The following KAZN variants were observed in gnomAD, a reference collection of about 807,000 sequenced individuals.
KAZN encodes kazrin, periplakin interacting protein.
KAZN carries 40 observed loss-of-function variants against 87.4 expected under a neutral mutation model. The observed-to-expected ratio is 0.46, with a 90% CI of 0.36 to 0.60. KAZN has a LOEUF of 0.60. KAZN is among the 20% of genes least tolerant of loss of function. The pLI, the probability that KAZN is intolerant of heterozygous loss-of-function variation, is 0.00. For synonymous variants in KAZN, 466 were observed against 458.3 expected, an observed-to-expected ratio of 1.02 and a Z score of -0.22; for missense variants, 898 against 1,073.9, an observed-to-expected ratio of 0.84 and a Z score of 2.29.
At chr1:14,695,660 C>A (rs1201885863) in intron 1 of KAZN, among the ~76,000 whole-genome samples, 2 of 151,846 alleles carry the variant, frequency 1.3e-5, no homozygotes, top group Non-Finnish European at 2.9e-5. Flanking sequence ...TGTGCACCAC[C>A]ATGCCTAGCT....
At chr1:14,501,108 TAA>T (rs1670220801) in intron 2 of KAZN, among the ~76,000 whole-genome samples, 2 of 147,266 alleles carry the variant, frequency 1.4e-5, no homozygotes, top group Non-Finnish European at 3.0e-5. Context: ...AATAAATAAA[TAA>T]ATAAATAAAT....
intron 2 of KAZN, among the ~76,000 whole-genome samples, chr1:14,427,526 A>G (rs928186684): frequency 6.6e-6 from 1 of 152,056 alleles, no homozygotes; most frequent in African/African-American, 2.4e-5. Flanking sequence ...ACACACACAC[A>G]CACACACAGT....
chr1:14,762,612 C>T (rs1197744070), intron 1 of KAZN, among the ~76,000 whole-genome samples: 1 of 152,042 alleles, frequency 6.6e-6, no homozygotes, highest in Non-Finnish European at 1.5e-5. Flanking sequence ...GTAGTCCCAG[C>T]TACTCGGGAG....
At chr1:14,042,544 T>C (rs1481629955) in intron 1 of KAZN, among the ~76,000 whole-genome samples, 1 of 152,260 alleles carries the variant, frequency 6.6e-6, no homozygotes, top group Non-Finnish European at 1.5e-5. Flanking sequence ...TTTAACTTTC[T>C]TCTGCTCACT....
At chr1:15,037,543 G>C (rs1370586671) in intron 3 of KAZN, among the ~76,000 whole-genome samples, 1 of 152,118 alleles carries the variant, frequency 6.6e-6, no homozygotes, top group African/African-American at 2.4e-5. Context: ...GAGGTTCCCG[G>C]GGCATGGAAA....
intron 1 of KAZN, among the ~76,000 whole-genome samples, chr1:14,776,558 C>T (rs183380461): frequency 8.5e-5 from 13 of 152,208 alleles, no homozygotes; most frequent in Admixed American, 5.2e-4. Context: ...GATGTCTAAC[C>T]GCAGCCATTT....
rs71000365 is a variant in KAZN at position 15,110,549 on chromosome 1, T to TTGTGTG, written c.2049-1864_2049-1859dup. Among the ~76,000 whole-genome samples, 454 of 147,930 alleles carry TTGTGTG rather than the reference T, an allele frequency of 3.1e-3. 1 individual carries two copies. Among genetic ancestry groups the TTGTGTG allele is most frequent in the East Asian group, 7.5e-3 (38 of 5,054 alleles). Reference sequence around the variant, plus strand: ...TGTGTTTGTGTGTGTGCATATGTGTTTGTGTGTGTGTGTGTGTGTATCCTC... The same window carrying TTGTGTG: ...TGTGTTTGTGTGTGTGCATATGTGTTTGTGTGTGTGTGTGTGTGTGTGTGTATCCTC... On this transcript the variant is annotated intron_variant, in intron 13 of 14. Coordinates refer to ENST00000376030, the MANE Select transcript of KAZN (RefSeq NM_201628.3).
chr1:14,500,597 C>G (rs1174601493), intron 2 of KAZN, among the ~76,000 whole-genome samples: 2 of 151,656 alleles, frequency 1.3e-5, no homozygotes, highest in Admixed American at 1.3e-4. Flanking sequence ...ATAATAAAAA[C>G]TGGAACCGAA....
rs1641677850 is a variant in KAZN at position 15,112,496 on chromosome 1, A to T, written c.2118A>T (p.Ala706=). 1 of 1,606,200 alleles carries T rather than the reference A, an allele frequency of 6.2e-7. No homozygotes were observed. The highest frequency in any genetic ancestry group is 1.7e-5 in the Admixed American group (1 of 58,958). ...PPGRASSVTR[A]GKEENSSGLK... is the part of the protein sequence containing the mutation. ...GCAGGGCCTCCAGCGTCACGCGGGCAGGAAAGGAGGAGAACAGCAGCGGTC... is the reference window on the plus strand; with the variant it reads ...GCAGGGCCTCCAGCGTCACGCGGGCTGGAAAGGAGGAGAACAGCAGCGGTC... Residue 706 remains alanine (A), a synonymous_variant, in exon 14 of 15, where the codon GCA becomes GCT. Transcript: ENST00000376030.
intron 1 of KAZN, among the ~76,000 whole-genome samples, chr1:14,631,410 C>A (rs1030632560): frequency 1.3e-5 from 2 of 152,220 alleles, no homozygotes; most frequent in African/African-American, 4.8e-5. Flanking sequence ...CCATCAATCA[C>A]AACCAAAATC....
chr1:14,785,466 A>C (rs182797857), intron 1 of KAZN, among the ~76,000 whole-genome samples: 2 of 152,246 alleles, frequency 1.3e-5, no homozygotes, highest in African/African-American at 4.8e-5. Flanking sequence ...TGGATACCTC[A>C]GGGGAGGCCC....
intron 1 of KAZN, among the ~76,000 whole-genome samples, chr1:14,800,804 C>A: frequency 6.6e-6 from 1 of 152,220 alleles, no homozygotes; most frequent in Middle Eastern, 3.4e-3. Flanking sequence ...TGATTCCATT[C>A]ATAGGAAATG....
chr1:14,687,965 G>A (rs1259420330), intron 1 of KAZN, among the ~76,000 whole-genome samples: 1 of 152,178 alleles, frequency 6.6e-6, no homozygotes, highest in African/African-American at 2.4e-5. Context: ...CACGGCACAG[G>A]GTGGTCAGGG....
intron 2 of KAZN, among the ~76,000 whole-genome samples, chr1:14,406,290 G>A (rs1218636352): frequency 1.3e-5 from 2 of 151,748 alleles, no homozygotes; most frequent in African/African-American, 4.8e-5. Context: ...TTACATTTAG[G>A]ATACCATCAA....
At chr1:14,730,547 T>G (rs1643632452) in intron 1 of KAZN, among the ~76,000 whole-genome samples, 1 of 152,138 alleles carries the variant, frequency 6.6e-6, no homozygotes, top group South Asian at 2.1e-4. Flanking sequence ...CAGAGTCTCA[T>G]GTAATCTGCC....
chr1:14,305,252 T>C (rs1654840236), intron 2 of KAZN, among the ~76,000 whole-genome samples: 1 of 152,182 alleles, frequency 6.6e-6, no homozygotes, highest in Non-Finnish European at 1.5e-5. Context: ...CTTTCACTGT[T>C]GGAGGAATAA....
intron 1 of KAZN, among the ~76,000 whole-genome samples, chr1:14,772,952 C>T (rs1352461900): frequency 6.6e-6 from 1 of 152,070 alleles, no homozygotes; most frequent in Non-Finnish European, 1.5e-5. Flanking sequence ...GGGGCCCAGG[C>T]AGCTTCTGCG....
chr1:14,853,534 G>A (rs1649713726), intron 1 of KAZN, among the ~76,000 whole-genome samples: 1 of 152,094 alleles, frequency 6.6e-6, no homozygotes, highest in Non-Finnish European at 1.5e-5. Flanking sequence ...GGTAGGAGGG[G>A]GATTTGAACC....
At chr1:15,064,316 G>C (rs1639051010) in intron 7 of KAZN, among the ~76,000 whole-genome samples, 1 of 152,178 alleles carries the variant, frequency 6.6e-6, no homozygotes. Context: ...TTCAAATGCA[G>C]ATTCCTGGGC....
Sources: allele counts gnomAD v4.1 joint callset (sites outside exome capture counted in the v4.1 genomes callset), GRCh38; gene constraint gnomAD v4.1.1; transcripts MANE v1.5; gene names NCBI Gene and HGNC (gene_info 2026-07-23, HGNC 2026-07-21).